SLC7A7: variants seen among roughly 807,000 people sequenced by gnomAD.
The protein encoded by SLC7A7 is solute carrier family 7 member 7, also known as Y+L amino acid transporter 1.
A neutral mutation model predicts 47.9 loss-of-function variants in SLC7A7; 39 were observed. That is an observed-to-expected ratio of 0.81 (90% CI 0.63 to 1.06). The LOEUF is 1.06. Ranked by LOEUF, SLC7A7 falls within the 50% of genes least tolerant of loss-of-function variation. The pLI is 0.00. For synonymous variants in SLC7A7, 234 were observed against 242.8 expected, an observed-to-expected ratio of 0.96 and a Z score of 0.34; for missense variants, 588 against 632.0, an observed-to-expected ratio of 0.93 and a Z score of 0.75.
upstream of SLC7A7, among the ~76,000 whole-genome samples, chr14:22,817,811 A>C (rs2039427659): frequency 6.6e-6 from 1 of 152,100 alleles, no homozygotes; most frequent in Non-Finnish European, 1.5e-5. Flanking sequence ...TATCTACATG[A>C]ATTACCTGGG....
intron 2 of SLC7A7, among the ~76,000 whole-genome samples, chr14:22,794,611 C>T (rs1290761731): frequency 2.0e-5 from 3 of 152,130 alleles, no homozygotes; most frequent in African/African-American, 7.2e-5. Flanking sequence ...TGCAGGAGAC[C>T]TGAGACAGTT....
rs564304140 is a variant in SLC7A7, at chr14:22,777,684, C to CA, written c.770+1108dup. Among the ~76,000 whole-genome samples, 327 of 152,324 alleles carry CA rather than the reference C, an allele frequency of 2.1e-3. 1 individual carries two copies. The highest frequency in any genetic ancestry group is 3.5e-3 in the Admixed American group (53 of 15,298). ...ATCCTGCTTCTGTTATCTCTGTTCC[C>CA]ATAGCGTTACCACTAGTTGTGTACC... On this transcript the variant is annotated intron_variant, in intron 4 of 9. Transcript: ENST00000674313.
At chr14:22,811,679 G>C (rs576045461) in intron 2 of SLC7A7, among the ~76,000 whole-genome samples, 3 of 151,830 alleles carry the variant, frequency 2.0e-5, no homozygotes, top group Non-Finnish European at 4.4e-5. Context: ...GTGAAACCCC[G>C]TCTCCACCAA....
intron 2 of SLC7A7, among the ~76,000 whole-genome samples, chr14:22,793,297 T>C (rs1172935178): frequency 1.3e-5 from 2 of 152,216 alleles, no homozygotes. Flanking sequence ...TTGCAAAATT[T>C]TGACTGAGAC....
chr14:22,793,083 AT>A (rs1214785356), intron 2 of SLC7A7, among the ~76,000 whole-genome samples: 1 of 151,462 alleles, frequency 6.6e-6, no homozygotes, highest in African/African-American at 2.4e-5. Context: ...AGCCCAGCTA[AT>A]TTTTTGTATT....
At chr14:22,786,897 C>T (rs1385733046) in intron 2 of SLC7A7, among the ~76,000 whole-genome samples, 1 of 152,096 alleles carries the variant, frequency 6.6e-6, no homozygotes, top group Non-Finnish European at 1.5e-5. Context: ...GATCGCACCA[C>T]TGCACTGCAG....
At chr14:22,798,329 A>G (rs1325417103) in intron 2 of SLC7A7, among the ~76,000 whole-genome samples, 3 of 151,946 alleles carry the variant, frequency 2.0e-5, no homozygotes, top group Non-Finnish European at 2.9e-5. Flanking sequence ...AGAAGGAGGA[A>G]AAGGAGAAGG....
intron 2 of SLC7A7, among the ~76,000 whole-genome samples, chr14:22,805,950 G>A (rs1268209926): frequency 1.3e-5 from 2 of 151,386 alleles, no homozygotes; most frequent in African/African-American, 4.8e-5. Context: ...AGACCATCCT[G>A]GCCAACATGG....
intron 2 of SLC7A7, among the ~76,000 whole-genome samples, chr14:22,798,834 T>C (rs1452859776): frequency 1.3e-5 from 2 of 152,254 alleles, no homozygotes; most frequent in Non-Finnish European, 1.5e-5. Flanking sequence ...TAATAGCTCC[T>C]CCAGAAAGGC....
chr14:22,788,564 C>CGTG (rs1338727599), intron 2 of SLC7A7, among the ~76,000 whole-genome samples: 2 of 151,618 alleles, frequency 1.3e-5, no homozygotes, highest in African/African-American at 4.9e-5. Flanking sequence ...ATTAGCTGGG[C>CGTG]GTGGTGGCGG....
At chr14:22,793,026 C>T (rs2038953480) in intron 2 of SLC7A7, among the ~76,000 whole-genome samples, 1 of 151,526 alleles carries the variant, frequency 6.6e-6, no homozygotes, top group Non-Finnish European at 1.5e-5. Context: ...ATGCCGTTCT[C>T]CTGCCTCAGC....
chr14:22,793,163 C>A (rs1439651043), intron 2 of SLC7A7, among the ~76,000 whole-genome samples: 1 of 151,822 alleles, frequency 6.6e-6, no homozygotes. Flanking sequence ...GTAATCCGCC[C>A]GCCTCGGCTT....
intron 2 of SLC7A7, among the ~76,000 whole-genome samples, chr14:22,806,904 T>TC (rs2039220626): frequency 6.7e-6 from 1 of 149,574 alleles, no homozygotes; most frequent in Admixed American, 6.7e-5. Flanking sequence ...ACTTTTTTTT[T>TC]TTTTTTTTTT....
At chr14:22,793,712 A>T (rs927684796) in intron 2 of SLC7A7, among the ~76,000 whole-genome samples, 1 of 151,908 alleles carries the variant, frequency 6.6e-6, no homozygotes, top group Non-Finnish European at 1.5e-5. Context: ...GCTACTAGGG[A>T]GGCTGAGGCA....
chr14:22,777,173 C>T (rs949541757), intron 4 of SLC7A7, among the ~76,000 whole-genome samples: 7 of 139,656 alleles, frequency 5.0e-5, no homozygotes, highest in African/African-American at 7.9e-5. Context: ...AAAAGCAGGG[C>T]GGGGGGGATT....
At chr14:22,784,481 G>A (rs2038778183) in intron 2 of SLC7A7, among the ~76,000 whole-genome samples, 1 of 152,136 alleles carries the variant, frequency 6.6e-6, no homozygotes, top group Non-Finnish European at 1.5e-5. Flanking sequence ...AGCTGGGCAT[G>A]GTGGTGTGTG....
At chr14:22,789,877 G>T (rs2038894263) in intron 2 of SLC7A7, among the ~76,000 whole-genome samples, 1 of 152,024 alleles carries the variant, frequency 6.6e-6, no homozygotes, top group Non-Finnish European at 1.5e-5. Flanking sequence ...GCAAGAAGAT[G>T]GATCCTCTCC....
intron 2 of SLC7A7, among the ~76,000 whole-genome samples, chr14:22,795,848 A>G (rs1047745644): frequency 6.6e-6 from 1 of 152,082 alleles, no homozygotes; most frequent in Non-Finnish European, 1.5e-5. Context: ...ATCTTCCGCA[A>G]CCTCCTCTAG....
intron 1 of SLC7A7, among the ~76,000 whole-genome samples, chr14:22,813,807 T>TTTTTA (rs1594987022): frequency 1.4e-5 from 2 of 145,502 alleles, no homozygotes; most frequent in Non-Finnish European, 1.5e-5. Flanking sequence ...TTTTTTTTTT[T>TTTTTA]GAGATGGAGT....
Sources: gnomAD v4.1 joint callset for allele counts (sites outside exome capture counted in the v4.1 genomes callset) on GRCh38, gnomAD v4.1.1 for gene constraint, MANE v1.5 for transcripts, NCBI Gene and HGNC (gene_info 2026-07-23, HGNC 2026-07-21) for gene names.